The following PDXDC1 variants were observed in gnomAD, a reference collection of about 807,000 sequenced individuals.
PDXDC1 encodes pyridoxal dependent decarboxylase domain containing 1.
Under a neutral mutation model 100.1 loss-of-function variants are expected in PDXDC1, and 42 were observed. That is an observed-to-expected ratio of 0.42 (90% confidence interval 0.33 to 0.54). PDXDC1 has a LOEUF of 0.54. PDXDC1 is among the 20% of genes least tolerant of loss of function. PDXDC1 has a pLI of 0.10. For missense variants in PDXDC1, 636 were observed against 979.2 expected (o/e 0.65, Z 4.68); for synonymous variants, 260 against 371.7 (o/e 0.70, Z 3.46).
chr16:15,047,605 C>T, intron 16 of PDXDC1: 1 of 1,256,680 alleles, frequency 8.0e-7, no homozygotes, highest in South Asian at 1.2e-5. Flanking sequence ...GTGCAGTGCG[C>T]AGGCCGAGAC....
chr16:15,031,115 T>TTTTA (rs2043035437), intron 16 of PDXDC1, among the ~76,000 whole-genome samples: 1 of 134,906 alleles, frequency 7.4e-6, no homozygotes, highest in Non-Finnish European at 1.6e-5. Context: ...CACATCTATT[T>TTTTA]TTTTTTTTTT....
At chr16:15,100,474 G>C (rs945476214) in intron 16 of PDXDC1, among the ~76,000 whole-genome samples, 4 of 152,054 alleles carry the variant, frequency 2.6e-5, no homozygotes, top group South Asian at 2.1e-4. Context: ...CTTAGATTTG[G>C]CATCATTGAG....
intron 16 of PDXDC1, among the ~76,000 whole-genome samples, chr16:15,051,601 C>G (rs1378254168): frequency 6.6e-6 from 1 of 152,156 alleles, no homozygotes; most frequent in Non-Finnish European, 1.5e-5. Flanking sequence ...CCTGCTTCAG[C>G]CTCCTTTGCA....
the PDXDC1 span, among the ~76,000 whole-genome samples, chr16:15,151,871 C>A: frequency 1.5e-5 from 2 of 131,402 alleles, 1 homozygote; most frequent in Non-Finnish European, 3.4e-5. Flanking sequence ...GCGGAGGTTG[C>A]CATGAGCCGA....
intron 16 of PDXDC1, chr16:15,085,747 T>C (rs2045892919): frequency 1.2e-6 from 2 of 1,608,384 alleles, no homozygotes; most frequent in African/African-American, 1.3e-5. Flanking sequence ...ATCTAGACAA[T>C]GAATGGCTAT....
chr16:15,017,563 G>T (rs1356594942), intron 11 of PDXDC1, 141 bp downstream of exon 11: 4 of 714,174 alleles, frequency 5.6e-6, no homozygotes, highest in African/African-American at 1.8e-5. Context: ...AGAGAAACTT[G>T]TGAGACTTTT....
At chr16:14,990,838 T>C (rs1970607166) in intron 1 of PDXDC1, among the ~76,000 whole-genome samples, 2 of 152,276 alleles carry the variant, frequency 1.3e-5, no homozygotes, top group South Asian at 4.1e-4. Context: ...CCTCCTGGGT[T>C]CAAGCGATTC....
intron 16 of PDXDC1, chr16:15,063,088 C>A (rs1360293426): frequency 3.9e-5 from 33 of 856,020 alleles, no homozygotes; most frequent in Non-Finnish European, 6.1e-5. Flanking sequence ...CCTTGACCCC[C>A]TAAAGTGCGG....
intron 16 of PDXDC1, among the ~76,000 whole-genome samples, chr16:15,111,682 C>CA (rs2047072159): frequency 7.9e-6 from 1 of 126,960 alleles, no homozygotes; most frequent in Admixed American, 9.9e-5. Context: ...TGCTTGAACC[C>CA]AAGAGGCAGA....
chr16:15,104,580 A>G, intron 16 of PDXDC1: 1 of 1,599,496 alleles, frequency 6.3e-7, no homozygotes. Flanking sequence ...TGAGGGTGGA[A>G]GGGGATAGAG....
At chr16:15,111,346 G>C (rs567823945) in intron 16 of PDXDC1, among the ~76,000 whole-genome samples, 4,615 of 145,650 alleles carry the variant, frequency 0.032, 256 homozygotes, top group Non-Finnish European at 0.045. Flanking sequence ...ATCCCAGCTA[G>C]TCGGGAGGCT....
intron 16 of PDXDC1, chr16:15,128,453 C>T: frequency 1.1e-6 from 1 of 911,780 alleles, no homozygotes; most frequent in South Asian, 1.4e-5. Context: ...GCATCCCAGG[C>T]AAGTCATCTC....
chr16:15,135,745 G>C (rs1266201332), intron 16 of PDXDC1: 39 of 1,596,524 alleles, frequency 2.4e-5, no homozygotes, highest in Non-Finnish European at 3.0e-5. Flanking sequence ...CCAGCACCAG[G>C]TCCTGTGTGT....
chr16:15,068,065 A>C (rs1290645006), intron 16 of PDXDC1: 1 of 1,336,768 alleles, frequency 7.5e-7, no homozygotes, highest in Non-Finnish European at 1.0e-6. Flanking sequence ...CTGGCCTTTT[A>C]TAATGTTACT....
Position 15,004,259 on chromosome 16 carries a change from G to C in PDXDC1, c.315G>C (p.Leu105=), listed in dbSNP as rs1973803835. Residue 105 remains leucine (L), a synonymous_variant, in exon 5 of 23, where the codon CTG becomes CTC. Coordinates refer to ENST00000396410, the MANE Select transcript of PDXDC1 (RefSeq NM_015027.4). ...GTCTGGGAGCTTATATTTCAACTCT[G>C]GACAAAGAGAAGCTGAGAAAACTTA... is the stretch of plus-strand genomic sequence containing the variant. The part of the protein sequence containing the change: ...GHSLGAYIST[L]DKEKLRKLTT... The C allele has an allele frequency of 4.3e-6, 7 of 1,614,178 alleles. No homozygotes were observed. The East Asian group carries it at 1.6e-4, about 36-fold the overall frequency.
chr16:15,111,456 C>CAA (rs4012875), intron 16 of PDXDC1, among the ~76,000 whole-genome samples: 16,907 of 100,216 alleles, frequency 0.17, 1,867 homozygotes, highest in East Asian at 0.27. Context: ...AACTCTGTCT[C>CAA]AAAAAAAAAA....
rs1321844216 is a variant in PDXDC1, at chr16:15,031,964, G to A, written c.1571+58G>A. ...ACTTTTCTGTATAAAGAACATGAGT[G>A]GGTCATTTTCTGAACCACCTTAGAA... On this transcript the variant is annotated intron_variant, in intron 17 of 22. Transcript: ENST00000396410. The A allele has an allele frequency of 2.1e-6, 3 of 1,403,300 alleles. No individual in the cohort carries two copies. In the East Asian group the frequency reaches 7.5e-5, roughly 35 times the overall value. 86.9% of individuals were successfully genotyped at this position (1,403,300 alleles called of 1,614,324 possible).
intron 12 of PDXDC1, among the ~76,000 whole-genome samples, chr16:15,020,081 C>T (rs1193480335): frequency 7.1e-6 from 1 of 140,806 alleles, no homozygotes; most frequent in East Asian, 2.1e-4. Context: ...CACTGCACTC[C>T]AGCCTGGGTG....
At chr16:15,083,398 CAAAAAAGAAAAA>C (rs1397283950) in intron 16 of PDXDC1, 1 of 1,491,218 alleles carries the variant, frequency 6.7e-7, no homozygotes, top group African/African-American at 1.4e-5. Context: ...GACTCGGTCT[CAAAAAAGAAAAA>C]GAAAAAGAAA....
Sources: gnomAD v4.1 joint callset for allele counts (sites outside exome capture counted in the v4.1 genomes callset) on GRCh38, gnomAD v4.1.1 for gene constraint, MANE v1.5 for transcripts, NCBI Gene and HGNC (gene_info 2026-07-23, HGNC 2026-07-21) for gene names.